COLQ: variants seen among roughly 807,000 people sequenced by gnomAD.
The protein encoded by COLQ is collagen like tail subunit of asymmetric acetylcholinesterase.
Under a neutral mutation model 69.0 loss-of-function variants are expected in COLQ, and 48 were observed. The observed-to-expected ratio is 0.70, with a 90% confidence interval of 0.55 to 0.88. COLQ has a LOEUF of 0.88. COLQ is among the 40% of genes least tolerant of loss of function. The pLI, the probability that COLQ is intolerant of heterozygous loss-of-function variation, is 0.00. For missense variants in COLQ, 618 were observed against 594.6 expected, an observed-to-expected ratio of 1.04 and a Z score of -0.41; for synonymous variants, 217 against 211.2, an observed-to-expected ratio of 1.03 and a Z score of -0.24.
At chr3:15,474,780 C>T (rs1208779736) in intron 8 of COLQ, 145 bp downstream of exon 8, 6 of 990,214 alleles carry the variant, frequency 6.1e-6, no homozygotes, top group Non-Finnish European at 9.5e-6. Context: ...TCTCTCAGTC[C>T]ACTGACAAAG....
intron 1 of COLQ, chr3:15,498,399 A>C (rs1402167875): frequency 1.8e-6 from 2 of 1,109,718 alleles, no homozygotes; most frequent in East Asian, 2.6e-5. Context: ...AAAAAAATTT[A>C]AAGGCTGCTA....
chr3:15,507,893 T>C (rs1445619242), intron 1 of COLQ, among the ~76,000 whole-genome samples: 1 of 152,092 alleles, frequency 6.6e-6, no homozygotes, highest in Non-Finnish European at 1.5e-5. Flanking sequence ...TTCCTATATA[T>C]AGGAAAGAAA....
rs1010768427 is a variant in COLQ at position 15,473,151 on chromosome 3, TA to T, written c.636+848del. On this transcript the variant is annotated intron_variant, in intron 10 of 16. Transcript: ENST00000383788. This position sits in a 1 kb window ranked among gnomAD's most constrained non-coding sequence, Gnocchi z 4.0. ...CCAAGCAAGATATCCATTAAATATT[TA>T]ACTATTTATTTATTTATTGAGACAG... Among the ~76,000 whole-genome samples the T allele has an allele frequency of 3.3e-5, 5 of 151,826 alleles. No individual in the cohort carries two copies. The highest frequency in any genetic ancestry group is 2.0e-4 in the Admixed American group (3 of 15,240).
rs994450436 is a variant in COLQ at position 15,489,788 on chromosome 3, T to C, written c.107-151A>G. On this transcript the variant is annotated intron_variant, in intron 1 of 16. Transcript: ENST00000383788. ...TGTGGATAGGCCTCCTGTTGGCTAC[T>C]TGACATAGCAATTATTCCCTTGCCC... The C allele has an allele frequency of 3.6e-5, 25 of 689,634 alleles. No homozygotes were observed. The African/African-American group carries it at 4.2e-4, about 12-fold the overall frequency. The allele number at this position is 689,634 out of a possible 1,614,324, so 42.7% of individuals were successfully genotyped here.
Position 15,456,556 on chromosome 3 carries a change from C to T in COLQ, c.978G>A (p.Glu326=), listed in dbSNP as rs113488563. Residue 326 remains glutamate, a synonymous_variant, in exon 14 of 17, where the codon GAG becomes GAA. Coordinates refer to ENST00000383788, the MANE Select transcript of COLQ (RefSeq NM_005677.4). ...VPVIFVVNNQ[E]ELERLNTQNA... ...TTTGGGTGTTCAGCCTCTCAAGCTC[C>T]TCCTGGTTGTTGACCACAAAAATCT... The T allele has an allele frequency of 1.9e-6, 3 of 1,614,020 alleles. No individual in the cohort carries two copies. The highest frequency in any genetic ancestry group is 2.5e-6 in the Non-Finnish European group (3 of 1,180,028).
At chr3:15,503,513 C>A (rs1233952687) in intron 1 of COLQ, among the ~76,000 whole-genome samples, 1 of 152,078 alleles carries the variant, frequency 6.6e-6, no homozygotes, top group East Asian at 1.9e-4. Flanking sequence ...GTTAGGTGAG[C>A]AAAAAATAAA....
intron 3 of COLQ, among the ~76,000 whole-genome samples, chr3:15,487,995 G>A (rs2062601830): frequency 6.6e-6 from 1 of 152,196 alleles, no homozygotes; most frequent in Admixed American, 6.5e-5. Flanking sequence ...TATCCCCATT[G>A]CATAGATGAG....
chr3:15,466,925 C>T (rs1446216763), intron 11 of COLQ, among the ~76,000 whole-genome samples: 1 of 152,216 alleles, frequency 6.6e-6, no homozygotes, highest in Admixed American at 6.5e-5. Flanking sequence ...CCCAAAATCT[C>T]TTCCTTCCCC....
chr3:15,477,184 G>A lies in COLQ; in HGVS notation c.407C>T (p.Pro136Leu), dbSNP rs1231911511. 2.5e-6 allele frequency: 4 copies of A among 1,605,882 alleles called. No individual in the cohort carries two copies. The African/African-American group carries it at 4.0e-5, about 16-fold the overall frequency. Residue 136 changes from proline to leucine, a missense_variant, in exon 6 of 17, where the codon CCC becomes CTC. Coordinates refer to ENST00000383788, the MANE Select transcript of COLQ (RefSeq NM_005677.4). ...CCCAGGCATGCCAGGAACACCTGGG[G>A]GGCCAGGTCTACCCTTCAAAGACCA... Reference protein sequence around the residue: ...GRPGRKGRPGPPGVPGMPGPI... With the variant: ...GRPGRKGRPGLPGVPGMPGPI...
intron 1 of COLQ, among the ~76,000 whole-genome samples, chr3:15,491,129 G>T (rs1476632934): frequency 6.6e-6 from 1 of 151,484 alleles, no homozygotes; most frequent in African/African-American, 2.4e-5. Context: ...AGCTTGAATG[G>T]TTATAGTTTT....
chr3:15,483,694 C>T (rs148944565), intron 3 of COLQ, among the ~76,000 whole-genome samples: 2 of 152,200 alleles, frequency 1.3e-5, no homozygotes, highest in African/African-American at 4.8e-5. Flanking sequence ...ATTCTGTTGA[C>T]TTGGGGTGGA....
chr3:15,482,941 G>T (rs2062514298), intron 3 of COLQ, among the ~76,000 whole-genome samples: 1 of 152,138 alleles, frequency 6.6e-6, no homozygotes, highest in Non-Finnish European at 1.5e-5. Context: ...AGTCTTGGGA[G>T]GGTGTATGTG....
At chr3:15,485,972 A>AATG (rs745995813) in intron 3 of COLQ, among the ~76,000 whole-genome samples, 1 of 152,152 alleles carries the variant, frequency 6.6e-6, no homozygotes, top group African/African-American at 2.4e-5. Flanking sequence ...CAATAATAAT[A>AATG]ATGATAATAA....
intron 13 of COLQ, 102 bp downstream of exon 13, chr3:15,458,084 A>T: frequency 7.3e-7 from 1 of 1,371,014 alleles, no homozygotes; most frequent in Non-Finnish European, 1.0e-6. Context: ...CAGAGTCGTG[A>T]AAAAAAGTTA....
At chr3:15,475,519 G>A (rs1403653315) in intron 6 of COLQ, 32 bp from the exon 7 acceptor site, 3 of 1,553,266 alleles carry the variant, frequency 1.9e-6, no homozygotes, top group Non-Finnish European at 2.6e-6. Flanking sequence ...AAGACCCACG[G>A]TGATATTTTT....
intron 12 of COLQ, among the ~76,000 whole-genome samples, chr3:15,460,332 A>G (rs2062094021): frequency 6.6e-6 from 1 of 152,230 alleles, no homozygotes; most frequent in African/African-American, 2.4e-5. Flanking sequence ...TCTGGCTGGC[A>G]GAAAAGCACC....
intron 1 of COLQ, among the ~76,000 whole-genome samples, chr3:15,499,275 C>T (rs2062798353): frequency 6.6e-6 from 1 of 152,182 alleles, no homozygotes; most frequent in African/African-American, 2.4e-5. Flanking sequence ...TATAGGCACA[C>T]CCAGTGCACA....
rs979759449 is a variant in COLQ, at chr3:15,488,231, C to T, written c.296G>A (p.Gly99Asp). ...CTGGGGGCCGGGAGGCCCAGGGGAGCCTAGCGAGCCTTGCATGCACGGGGA... is the reference window on the plus strand; with the variant it reads ...CTGGGGGCCGGGAGGCCCAGGGGAGTCTAGCGAGCCTTGCATGCACGGGGA... ...SQSPCMQGSL[G>D]SPGPPGPQGP... Residue 99 changes from glycine to aspartate, a missense_variant, in exon 3 of 17, where the codon GGC becomes GAC. Coordinates refer to ENST00000383788, the MANE Select transcript of COLQ (RefSeq NM_005677.4). The T allele has an allele frequency of 6.2e-7, 1 of 1,612,972 alleles. No homozygotes were observed. Among genetic ancestry groups the T allele is most frequent in the Non-Finnish European group, 8.5e-7 (1 of 1,179,986 alleles).
At chr3:15,471,844 T>C (rs2062293152) in intron 10 of COLQ, among the ~76,000 whole-genome samples, 3 of 152,190 alleles carry the variant, frequency 2.0e-5, no homozygotes, top group African/African-American at 7.2e-5. Context: ...CTCTAGGGAA[T>C]GGGAGCGTGT....
Sources: allele counts gnomAD v4.1 joint callset (sites outside exome capture counted in the v4.1 genomes callset), GRCh38; gene constraint gnomAD v4.1.1; non-coding constraint Gnocchi (gnomAD v3.1); transcripts MANE v1.5; gene names NCBI Gene and HGNC (gene_info 2026-07-23, HGNC 2026-07-21).